The following CAMK4 variants were observed in gnomAD, a reference collection of about 807,000 sequenced individuals.
The protein encoded by CAMK4 is calcium/calmodulin-dependent protein kinase type IV.
A neutral mutation model predicts 44.9 loss-of-function variants in CAMK4; 22 were observed. That is an observed-to-expected ratio of 0.49 (90% CI 0.35 to 0.70). The LOEUF (loss-of-function observed/expected upper bound fraction) is 0.70. Among genes scored for constraint, CAMK4 ranks in the 30% least tolerant of loss-of-function variants. The probability of loss-of-function intolerance (pLI) is 0.01; values close to 1 mark genes in which losing one functional copy is unlikely to be tolerated. For missense variants in CAMK4, 498 were observed against 586.8 expected (o/e 0.85, Z 1.56); for synonymous variants, 218 against 215.4 (o/e 1.01, Z -0.11).
At chr5:111,298,344 A>AT (rs1225719433) in intron 1 of CAMK4, among the ~76,000 whole-genome samples, 1 of 152,234 alleles carries the variant, frequency 6.6e-6, no homozygotes, top group Non-Finnish European at 1.5e-5. Context: ...CTTAATTTAG[A>AT]TTATTTTGAA....
chr5:111,468,515 A>G (rs1176581828), intron 7 of CAMK4, among the ~76,000 whole-genome samples: 2 of 152,142 alleles, frequency 1.3e-5, no homozygotes, highest in Non-Finnish European at 2.9e-5. Context: ...GAAGATCACA[A>G]ATTATTAGAA....
In CAMK4 at chr5:111,270,718, C is replaced by A. The variant is rs137930100; in HGVS notation, c.161+46074C>A. On this transcript the variant is annotated intron_variant, in intron 1 of 10. Coordinates refer to ENST00000282356, the MANE Select transcript of CAMK4 (RefSeq NM_001744.6). Reference sequence around the variant, plus strand: ...TCTATTCTTCATGTCACCAGCCTGACAAAACTTCAATTTGGATCAGTCTAG... The same window carrying A: ...TCTATTCTTCATGTCACCAGCCTGAAAAAACTTCAATTTGGATCAGTCTAG... 3.3e-4 allele frequency among the ~76,000 whole-genome samples: 50 copies of A among 152,316 alleles called. 2 individuals carry two copies. Among genetic ancestry groups the A allele is most frequent in the African/African-American group, 1.2e-3 (48 of 41,558 alleles).
intron 1 of CAMK4, among the ~76,000 whole-genome samples, chr5:111,228,508 G>GT (rs1402895431): frequency 2.5e-5 from 3 of 119,674 alleles, no homozygotes; most frequent in African/African-American, 6.9e-5. Flanking sequence ...CCATAGTAAG[G>GT]GGTGTGTGTG....
chr5:111,380,142 A>G (rs187015752), intron 4 of CAMK4, among the ~76,000 whole-genome samples: 3 of 152,222 alleles, frequency 2.0e-5, no homozygotes, highest in East Asian at 3.9e-4. Context: ...CAAGTTTCGA[A>G]GTTTTTTTCC....
At chr5:111,431,440 A>G (rs1361902900) in intron 5 of CAMK4, among the ~76,000 whole-genome samples, 1 of 152,178 alleles carries the variant, frequency 6.6e-6, no homozygotes, top group Non-Finnish European at 1.5e-5. Context: ...TCTCCAGGAT[A>G]TTGGTCTGGG....
chr5:111,300,174 C>A (rs1424911996), intron 1 of CAMK4, among the ~76,000 whole-genome samples: 3 of 152,118 alleles, frequency 2.0e-5, no homozygotes, highest in Non-Finnish European at 4.4e-5. Context: ...AATGATAAAA[C>A]AATTGTATAC....
chr5:111,459,618 G>A (rs1055110530), intron 7 of CAMK4, among the ~76,000 whole-genome samples: 4 of 151,030 alleles, frequency 2.6e-5, no homozygotes, highest in African/African-American at 4.9e-5. Context: ...TGATAAAATC[G>A]AATCTCAAGA....
chr5:111,254,177 A>G (rs1383002146), intron 1 of CAMK4, among the ~76,000 whole-genome samples: 1 of 152,216 alleles, frequency 6.6e-6, no homozygotes, highest in African/African-American at 2.4e-5. Flanking sequence ...ACTTGAGGGC[A>G]AGGGCCTTTG....
intron 5 of CAMK4, among the ~76,000 whole-genome samples, chr5:111,395,770 T>G (rs1346783682): frequency 1.3e-5 from 2 of 152,164 alleles, no homozygotes; most frequent in East Asian, 3.8e-4. Context: ...ATGTATTTGA[T>G]GTTGTCTAAT....
intron 5 of CAMK4, among the ~76,000 whole-genome samples, chr5:111,403,924 GA>G (rs1334233788): frequency 6.6e-6 from 1 of 152,134 alleles, no homozygotes; most frequent in East Asian, 1.9e-4. Flanking sequence ...GGAATTTTCT[GA>G]TCGTCTTCGT....
At chr5:111,474,825 T>G (rs1311354355) in intron 8 of CAMK4, among the ~76,000 whole-genome samples, 1 of 152,184 alleles carries the variant, frequency 6.6e-6, no homozygotes, top group East Asian at 1.9e-4. Flanking sequence ...TAATATGTAA[T>G]ACAAAAAGAT....
At chr5:111,345,405 C>G (rs1478226108) in intron 2 of CAMK4, among the ~76,000 whole-genome samples, 1 of 151,840 alleles carries the variant, frequency 6.6e-6, no homozygotes, top group Non-Finnish European at 1.5e-5. Context: ...TAGTTTCTTA[C>G]AGTCATAAAA....
intron 1 of CAMK4, among the ~76,000 whole-genome samples, chr5:111,253,993 A>G (rs1024051148): frequency 1.3e-5 from 2 of 152,192 alleles, no homozygotes; most frequent in African/African-American, 4.8e-5. Flanking sequence ...GCATTTCAGA[A>G]ATCTTTTTGT....
intron 5 of CAMK4, among the ~76,000 whole-genome samples, chr5:111,443,059 G>A (rs138940767): frequency 6.7e-6 from 1 of 148,706 alleles, no homozygotes; most frequent in Non-Finnish European, 1.5e-5. Context: ...TCTTTCTAAT[G>A]TTTGTATCTT....
chr5:111,410,728 TCAGGAGG>T (rs1752604300), intron 5 of CAMK4, among the ~76,000 whole-genome samples: 1 of 152,142 alleles, frequency 6.6e-6, no homozygotes, highest in Non-Finnish European at 1.5e-5. Context: ...AATGGCTAAT[TCAGGAGG>T]GGTGTTGATA....
intron 3 of CAMK4, among the ~76,000 whole-genome samples, chr5:111,375,815 T>C (rs575083745): frequency 1.1e-4 from 16 of 152,272 alleles, no homozygotes; most frequent in South Asian, 4.1e-4. Context: ...CCTCATGCTT[T>C]TCCCTCCTGG....
chr5:111,385,811 A>G (rs1328981086), intron 4 of CAMK4, among the ~76,000 whole-genome samples: 2 of 152,122 alleles, frequency 1.3e-5, no homozygotes, highest in Non-Finnish European at 2.9e-5. Context: ...TCCTGACCTC[A>G]TGATCCACCT....
chr5:111,354,019 A>G (rs1256824156), intron 2 of CAMK4, among the ~76,000 whole-genome samples: 2 of 152,120 alleles, frequency 1.3e-5, no homozygotes, highest in Non-Finnish European at 1.5e-5. Context: ...CTATTTCATT[A>G]TAGCGTTATT....
At chr5:111,343,010 A>T (rs1295963237) in intron 1 of CAMK4, among the ~76,000 whole-genome samples, 1 of 151,706 alleles carries the variant, frequency 6.6e-6, no homozygotes, top group Non-Finnish European at 1.5e-5. Context: ...AAAGCAATTT[A>T]AAATAAGGAA....
Sources: gnomAD v4.1 joint callset for allele counts (sites outside exome capture counted in the v4.1 genomes callset) on GRCh38, gnomAD v4.1.1 for gene constraint, MANE v1.5 for transcripts, NCBI Gene and HGNC (gene_info 2026-07-23, HGNC 2026-07-21) for gene names.